The following PCYT1B variants were observed in gnomAD, a reference collection of about 807,000 sequenced individuals.
The protein encoded by PCYT1B is phosphate cytidylyltransferase 1B, choline, also known as choline-phosphate cytidylyltransferase B.
In PCYT1B, 10 loss-of-function variants were observed where a neutral mutation model predicts 26.4. The observed-to-expected ratio is 0.38, with a 90% CI of 0.23 to 0.64. The LOEUF (loss-of-function observed/expected upper bound fraction) is 0.64. Ranked by LOEUF, PCYT1B falls within the 30% of genes least tolerant of loss-of-function variation. The pLI, the probability that PCYT1B is intolerant of heterozygous loss-of-function variation, is 0.56. For missense variants in PCYT1B, 161 were observed against 292.7 expected (o/e 0.55, Z 3.28); for synonymous variants, 131 against 108.4 (o/e 1.21, Z -1.29).
chrX:24,581,705 C>G (rs186176271), intron 5 of PCYT1B, among the ~76,000 whole-genome samples: 177 of 112,481 alleles, frequency 1.6e-3, no homozygotes, highest in Non-Finnish European at 2.7e-3. Context: ...CTTCTACATT[C>G]TCAGCACTGG....
At chrX:24,581,923 C>G (rs1312983974) in intron 5 of PCYT1B, among the ~76,000 whole-genome samples, 1 of 112,682 alleles carries the variant, frequency 8.9e-6, no homozygotes, top group Non-Finnish European at 1.9e-5. Flanking sequence ...GACAAAACAT[C>G]CAGTTTCTTA....
intron 2 of PCYT1B, among the ~76,000 whole-genome samples, chrX:24,612,529 A>G (rs1015259267): frequency 1.8e-5 from 2 of 112,314 alleles, no homozygotes; most frequent in African/African-American, 3.2e-5. Flanking sequence ...AATAAACACA[A>G]GAGAAGATCC....
In PCYT1B at chrX:24,605,610, G is replaced by C. The variant is rs62585338; in HGVS notation, c.334+2135C>G. On this transcript the variant is annotated intron_variant, in intron 3 of 7. Coordinates refer to ENST00000379144, the MANE Select transcript of PCYT1B (RefSeq NM_004845.5). Reference sequence around the variant, plus strand: ...TGTACAGAAAAATGCCTGGCACATAGTAAGAGTTCAATAAAGAGTTGTTAG... The same window carrying C: ...TGTACAGAAAAATGCCTGGCACATACTAAGAGTTCAATAAAGAGTTGTTAG... Among the ~76,000 whole-genome samples the C allele has an allele frequency of 3.6e-3, 403 of 112,051 alleles. 1 individual carries two copies. Among genetic ancestry groups the C allele is most frequent in the Non-Finnish European group, 6.0e-3 (319 of 53,239 alleles).
chrX:24,594,488 C>T (rs993516831), intron 3 of PCYT1B, among the ~76,000 whole-genome samples: 4 of 111,303 alleles, frequency 3.6e-5, no homozygotes, highest in African/African-American at 9.8e-5. Context: ...AAAACTAGGC[C>T]GTGCCACATC....
chrX:24,640,210 C>T (rs1028230097), intron 1 of PCYT1B, among the ~76,000 whole-genome samples: 2 of 111,424 alleles, frequency 1.8e-5, no homozygotes, highest in Non-Finnish European at 3.8e-5. Context: ...ATCCAGCCTC[C>T]GCTCCCACCA....
intron 3 of PCYT1B, among the ~76,000 whole-genome samples, chrX:24,606,513 G>A (rs754791249): frequency 4.5e-4 from 50 of 112,094 alleles, no homozygotes; most frequent in Admixed American, 4.3e-3. Context: ...CCATTCAATG[G>A]TCCTGTGGTC....
chrX:24,637,491 A>AAAATATATATATATATATATATATATAT, intron 1 of PCYT1B, among the ~76,000 whole-genome samples: 1 of 52,894 alleles, frequency 1.9e-5, no homozygotes, highest in Non-Finnish European at 2.9e-5. Flanking sequence ...AAAAAAAAAA[A>AAAATATATATATATATATATATATATAT]ATATATATAT....
At chrX:24,641,625 C>A (rs1221482966) in intron 1 of PCYT1B, among the ~76,000 whole-genome samples, 2 of 112,338 alleles carry the variant, frequency 1.8e-5, no homozygotes, top group Non-Finnish European at 3.8e-5. Flanking sequence ...TTGAAATTAG[C>A]TAGTCCGAAT....
intron 3 of PCYT1B, among the ~76,000 whole-genome samples, chrX:24,605,968 C>G (rs1258220403): frequency 1.3e-4 from 14 of 104,186 alleles, no homozygotes; most frequent in African/African-American, 4.9e-4. Flanking sequence ...GCAGGAGAAT[C>G]ACTTGAACCT....
At chrX:24,616,246 TTTTTTTA>T (rs1925487799) in intron 2 of PCYT1B, among the ~76,000 whole-genome samples, 1 of 93,456 alleles carries the variant, frequency 1.1e-5, no homozygotes, top group African/African-American at 3.8e-5. Context: ...TTTTTTTTTT[TTTTTTTA>T]AAAAAACAGA....
At position 24,559,819 on chromosome X, in the gene PCYT1B, G is replaced by A. The variant is rs1293486134; in HGVS notation, c.*2474C>T. ...GGGTAGGGGCTGGGAGAGACTGAGAGATGGCCAAAAAGTATCAAAAGTTGG... is the reference window on the plus strand; with the variant it reads ...GGGTAGGGGCTGGGAGAGACTGAGAAATGGCCAAAAAGTATCAAAAGTTGG... On this transcript the variant is annotated 3_prime_UTR_variant, in exon 8 of 8. Coordinates refer to ENST00000379144, the MANE Select transcript of PCYT1B (RefSeq NM_004845.5). The A allele has an allele frequency of 1.8e-5, 2 of 111,583 alleles. No homozygotes were observed. The highest frequency in any genetic ancestry group is 3.3e-5 in the African/African-American group (1 of 30,677). The allele number at this position is 111,583 out of a possible 1,213,427, so 9.2% of individuals were successfully genotyped here.
At chrX:24,659,705 C>G (rs765709283) in intron 1 of PCYT1B, among the ~76,000 whole-genome samples, 2 of 111,330 alleles carry the variant, frequency 1.8e-5, no homozygotes, top group Non-Finnish European at 3.8e-5. Context: ...GTTCCATCAT[C>G]CCATGGCAGA....
At chrX:24,627,756 G>C in intron 1 of PCYT1B, among the ~76,000 whole-genome samples, 1 of 111,971 alleles carries the variant, frequency 8.9e-6, no homozygotes, top group Non-Finnish European at 1.9e-5. Context: ...ACAGAGGCAG[G>C]GGTCAGGGTG....
At chrX:24,581,099 C>A (rs1295595508) in intron 5 of PCYT1B, among the ~76,000 whole-genome samples, 3 of 112,010 alleles carry the variant, frequency 2.7e-5, no homozygotes, top group Non-Finnish European at 5.6e-5. Context: ...CAGTCTCCAG[C>A]AATGTCATTT....
At chrX:24,666,979 A>T (rs1043415025) in intron 1 of PCYT1B, among the ~76,000 whole-genome samples, 1 of 109,544 alleles carries the variant, frequency 9.1e-6, no homozygotes, top group African/African-American at 3.3e-5. Context: ...ATCTGCTTGC[A>T]TGGTAATTGG....
chrX:24,601,335 A>G (rs1305141916), intron 3 of PCYT1B, among the ~76,000 whole-genome samples: 1 of 111,265 alleles, frequency 9.0e-6, no homozygotes, highest in Non-Finnish European at 1.9e-5. Context: ...TGTACTAAAA[A>G]TACAACAATT....
chrX:24,573,487 C>T (rs1242752994), intron 7 of PCYT1B, among the ~76,000 whole-genome samples: 1 of 111,241 alleles, frequency 9.0e-6, no homozygotes, highest in Non-Finnish European at 1.9e-5. Context: ...AACATCCACC[C>T]TCTTGAGTTA....
At position 24,562,209 on chromosome X, in the gene PCYT1B, C is replaced by A. The variant is rs1423999737; in HGVS notation, c.*84G>T. On this transcript the variant is annotated 3_prime_UTR_variant, in exon 8 of 8. Coordinates refer to ENST00000379144, the MANE Select transcript of PCYT1B (RefSeq NM_004845.5). ...TGAGCTGCAGCTCCTGTGACTATTA[C>A]CCTTCAAACACCACCCAGGCAACCC... is the stretch of plus-strand genomic sequence containing the variant. 1.7e-6 allele frequency: 2 copies of A among 1,185,591 alleles called. No homozygotes were observed. Among genetic ancestry groups the A allele is most frequent in the African/African-American group, 3.5e-5 (2 of 56,662 alleles).
chrX:24,670,118 AAGGAAGGAAGG>A (rs1927224849), intron 1 of PCYT1B, among the ~76,000 whole-genome samples: 2 of 99,606 alleles, frequency 2.0e-5, no homozygotes, highest in African/African-American at 7.7e-5. Flanking sequence ...GAAAGAAAGG[AAGGAAGGAAGG>A]AAGGAAGGAA....
Sources: allele counts gnomAD v4.1 joint callset (sites outside exome capture counted in the v4.1 genomes callset), GRCh38; gene constraint gnomAD v4.1.1; transcripts MANE v1.5; gene names NCBI Gene and HGNC (gene_info 2026-07-23, HGNC 2026-07-21).